Variants in CFAP299 observed in about 807,000 individuals in gnomAD.
CFAP299 encodes the protein cilia and flagella associated protein 299.
Under a neutral mutation model 27.0 loss-of-function variants are expected in CFAP299, and 21 were observed. The observed-to-expected ratio is 0.78, with a 90% CI of 0.55 to 1.12. The LOEUF (loss-of-function observed/expected upper bound fraction) is 1.12, where lower values mean the gene tolerates loss of function less well. CFAP299 is among the 50% of genes most tolerant of loss of function. The pLI is 0.00. For missense variants in CFAP299, 310 were observed against 276.6 expected (o/e 1.12, Z -0.86); for synonymous variants, 104 against 98.1 (o/e 1.06, Z -0.36).
chr4:80,961,013 C>T (rs1164537480), intron 5 of CFAP299, among the ~76,000 whole-genome samples: 2 of 151,468 alleles, frequency 1.3e-5, no homozygotes, highest in Middle Eastern at 3.2e-3. Flanking sequence ...AGCGAGTATT[C>T]ATTGTATAAT....
At chr4:80,799,889 A>T (rs1201755437) in intron 3 of CFAP299, among the ~76,000 whole-genome samples, 4 of 40,954 alleles carry the variant, frequency 9.8e-5, no homozygotes, top group African/African-American at 4.4e-4. Flanking sequence ...TATATAATAT[A>T]TAAATTATAT....
Position 80,390,878 on chromosome 4 carries a change from T to C in CFAP299, c.242+27994T>C, listed in dbSNP as rs369412211. Reference sequence around the variant, plus strand: ...GTATATGTATATGCGCACATATATGTATATATGTATATACACACATATGCA... The same window carrying C: ...GTATATGTATATGCGCACATATATGCATATATGTATATACACACATATGCA... On this transcript the variant is annotated intron_variant, in intron 2 of 5. Transcript: ENST00000358105. 2.9e-3 allele frequency among the ~76,000 whole-genome samples: 191 copies of C among 66,644 alleles called. 4 individuals are homozygous for C. Among genetic ancestry groups the C allele is most frequent in the African/African-American group, 6.0e-3 (143 of 23,738 alleles). The allele number at this position is 66,644 out of a possible 152,430, so 43.7% of individuals were successfully genotyped here. A position where few individuals can be genotyped will look rare whatever the true frequency, so the allele number is the denominator to read the frequency against.
At chr4:80,404,598 A>G (rs1726321705) in intron 2 of CFAP299, among the ~76,000 whole-genome samples, 1 of 152,198 alleles carries the variant, frequency 6.6e-6, no homozygotes, top group Non-Finnish European at 1.5e-5. Flanking sequence ...TCCATGTTGT[A>G]GCATCTACCA....
intron 1 of CFAP299, among the ~76,000 whole-genome samples, chr4:80,361,634 A>G (rs1317303191): frequency 6.6e-6 from 1 of 152,218 alleles, no homozygotes; most frequent in Non-Finnish European, 1.5e-5. Context: ...GTTGCTTTGC[A>G]TTGTAATCAT....
chr4:80,876,938 C>G (rs1733410314), intron 4 of CFAP299, among the ~76,000 whole-genome samples: 1 of 152,156 alleles, frequency 6.6e-6, no homozygotes, highest in African/African-American at 2.4e-5. Flanking sequence ...CCCACCCTTG[C>G]CACTTCCTTC....
rs531914569 is a variant in CFAP299, at chr4:80,759,875, GT to G, written c.334-110109del. 5.1e-3 allele frequency among the ~76,000 whole-genome samples: 772 copies of G among 150,518 alleles called. 4 individuals are homozygous for G. Among genetic ancestry groups the G allele is most frequent in the Middle Eastern group, 0.021 (6 of 288 alleles). On this transcript the variant is annotated intron_variant, in intron 3 of 5. Transcript: ENST00000358105. ...TAATAACCTATGTCTCCTTAAACGT[GT>G]TTTTTTTTGTAAACCTGTGGATCTC... is the stretch of plus-strand genomic sequence containing the variant.
chr4:80,364,217 C>T (rs993104428), intron 2 of CFAP299, among the ~76,000 whole-genome samples: 1 of 151,510 alleles, frequency 6.6e-6, no homozygotes, highest in Non-Finnish European at 1.5e-5. Context: ...GGATGGCATT[C>T]TTGTCTTGAG....
chr4:80,944,913 A>C lies in CFAP299; in HGVS notation c.580A>C (p.Arg194=). The C allele has an allele frequency of 6.2e-7, 1 of 1,612,960 alleles. No homozygotes were observed. The change falls in exon 5 of 6, where the codon AGA becomes CGA. Residue 194 remains arginine, a synonymous_variant. Transcript: ENST00000358105. ...CTTACTTTTCAGATACAAAAGAGAC[A>C]GAAAAATTCTTAATGTGGACCCAAA... is the stretch of plus-strand genomic sequence containing the variant. ...EGLLFRYKRD[R]KILNVDPKAQ...
At chr4:80,702,355 T>C (rs1336358733) in intron 3 of CFAP299, among the ~76,000 whole-genome samples, 7 of 151,902 alleles carry the variant, frequency 4.6e-5, no homozygotes, top group Non-Finnish European at 5.9e-5. Flanking sequence ...AAGAAACCTA[T>C]GGCACAGAAA....
chr4:80,707,953 G>A (rs531337567), intron 3 of CFAP299, among the ~76,000 whole-genome samples: 4 of 152,118 alleles, frequency 2.6e-5, no homozygotes, highest in East Asian at 1.9e-4. Context: ...ATCTGATGAC[G>A]GAGTTTCTGA....
At chr4:80,812,937 A>C (rs1326023536) in intron 3 of CFAP299, among the ~76,000 whole-genome samples, 1 of 152,138 alleles carries the variant, frequency 6.6e-6, no homozygotes. Flanking sequence ...CATTTCTGCA[A>C]GAGATTATTG....
chr4:80,419,785 T>C (rs1727202395), intron 2 of CFAP299, among the ~76,000 whole-genome samples: 1 of 152,092 alleles, frequency 6.6e-6, no homozygotes, highest in Non-Finnish European at 1.5e-5. Flanking sequence ...CTCTATACTG[T>C]TTTCTATATG....
chr4:80,843,825 T>C (rs1160560606), intron 3 of CFAP299, among the ~76,000 whole-genome samples: 3 of 152,136 alleles, frequency 2.0e-5, no homozygotes, highest in African/African-American at 7.2e-5. Context: ...GTTTGTTACA[T>C]ATGTATACAT....
chr4:80,810,101 G>A (rs535720233), intron 3 of CFAP299, among the ~76,000 whole-genome samples: 1 of 152,112 alleles, frequency 6.6e-6, no homozygotes, highest in East Asian at 1.9e-4. Context: ...TGTTCTTGTT[G>A]TTTATTGGAA....
At chr4:80,882,364 C>T (rs978573009) in intron 4 of CFAP299, among the ~76,000 whole-genome samples, 4 of 152,256 alleles carry the variant, frequency 2.6e-5, no homozygotes, top group Non-Finnish European at 5.9e-5. Context: ...TAAGGCCGGG[C>T]GCAGTGGCTC....
intron 3 of CFAP299, among the ~76,000 whole-genome samples, chr4:80,792,166 G>A (rs1389968548): frequency 1.3e-5 from 2 of 151,990 alleles, no homozygotes; most frequent in African/African-American, 2.4e-5. Flanking sequence ...AAAATAAAAT[G>A]TAATTAAAAA....
chr4:80,608,197 C>A, intron 3 of CFAP299: 1 of 552,380 alleles, frequency 1.8e-6, no homozygotes, highest in Non-Finnish European at 3.2e-6. Flanking sequence ...CAAGTGTTGT[C>A]GAGACTAAGT....
At chr4:80,344,681 T>C (rs1309354097) in intron 1 of CFAP299, among the ~76,000 whole-genome samples, 1 of 152,076 alleles carries the variant, frequency 6.6e-6, no homozygotes, top group Admixed American at 6.5e-5. Context: ...TTGGCAGATA[T>C]ACAACAAAAA....
At chr4:80,381,265 C>G (rs1008877263) in intron 2 of CFAP299, among the ~76,000 whole-genome samples, 12 of 151,886 alleles carry the variant, frequency 7.9e-5, no homozygotes, top group African/African-American at 2.7e-4. Context: ...TATTTTTGGC[C>G]CTATAGATTT....
Sources: allele counts gnomAD v4.1 joint callset (sites outside exome capture counted in the v4.1 genomes callset), GRCh38; gene constraint gnomAD v4.1.1; transcripts MANE v1.5; gene names NCBI Gene and HGNC (gene_info 2026-07-23, HGNC 2026-07-21).